RAP1GDS1: variants seen among roughly 807,000 people sequenced by gnomAD.
RAP1GDS1 encodes the protein RAP1, GTP-GDP dissociation stimulator 1.
RAP1GDS1 carries 35 observed loss-of-function variants against 71.1 expected under a neutral mutation model. The ratio of observed to expected loss-of-function variants is 0.49; its 90% CI spans 0.38 to 0.65. The LOEUF (loss-of-function observed/expected upper bound fraction) is 0.65, where lower values mean the gene tolerates loss of function less well. Among genes scored for constraint, RAP1GDS1 ranks in the 30% least tolerant of loss-of-function variants. The pLI is 0.00. For missense variants in RAP1GDS1, 663 were observed against 706.1 expected (o/e 0.94, Z 0.69); for synonymous variants, 229 against 243.1 (o/e 0.94, Z 0.54).
At chr4:98,304,492 T>G (rs1260733758) in intron 2 of RAP1GDS1, among the ~76,000 whole-genome samples, 1 of 152,228 alleles carries the variant, frequency 6.6e-6, no homozygotes, top group African/African-American at 2.4e-5. Flanking sequence ...CATAAGTGTC[T>G]TCTTTTGAGA....
chr4:98,373,957 G>A (rs1036105897), intron 4 of RAP1GDS1, among the ~76,000 whole-genome samples: 4 of 152,172 alleles, frequency 2.6e-5, no homozygotes, highest in Non-Finnish European at 4.4e-5. Context: ...CAAAGAGGGA[G>A]TTCATGATTT....
At chr4:98,398,966 G>A (rs1483053774) in intron 6 of RAP1GDS1, among the ~76,000 whole-genome samples, 1 of 152,154 alleles carries the variant, frequency 6.6e-6, no homozygotes, top group Non-Finnish European at 1.5e-5. Flanking sequence ...TGGATTGGAA[G>A]AGTTAATATT....
chr4:98,393,885 C>CT (rs1379567107), intron 6 of RAP1GDS1, among the ~76,000 whole-genome samples: 2 of 151,966 alleles, frequency 1.3e-5, no homozygotes, highest in Admixed American at 6.6e-5. Flanking sequence ...TACTTTTTAA[C>CT]TTTTTTAGCA....
In RAP1GDS1 at chr4:98,442,308, T is replaced by C; in HGVS notation, c.*191T>C. Reference sequence around the variant, plus strand: ...TATAGTTAGTGTGATCATGACTTTGTCAAAGGCAAGTCTCCACCCATAACC... The same window carrying C: ...TATAGTTAGTGTGATCATGACTTTGCCAAAGGCAAGTCTCCACCCATAACC... On this transcript the variant is annotated 3_prime_UTR_variant, in exon 15 of 15. Transcript: ENST00000408927. 1.4e-6 allele frequency: 1 copy of C among 736,764 alleles called. No homozygotes were observed. The highest frequency in any genetic ancestry group is 2.8e-5 in the South Asian group (1 of 36,136). The allele number at this position is 736,764 out of a possible 1,614,324, so 45.6% of individuals were successfully genotyped here. A position where few individuals can be genotyped will look rare whatever the true frequency, so the allele number is the denominator to read the frequency against.
chr4:98,387,903 A>T (rs944284844), intron 5 of RAP1GDS1, among the ~76,000 whole-genome samples: 5 of 152,160 alleles, frequency 3.3e-5, no homozygotes, highest in African/African-American at 4.8e-5. Flanking sequence ...TAATCTGCCT[A>T]ATGTATCTAG....
chr4:98,433,518 G>A lies in RAP1GDS1; in HGVS notation c.1441-418G>A, dbSNP rs968091838. Among the ~76,000 whole-genome samples, 3 of 152,002 alleles carry A rather than the reference G, an allele frequency of 2.0e-5. 1 individual carries two copies. The highest frequency in any genetic ancestry group is 4.1e-4 in the South Asian group (2 of 4,822). On this transcript the variant is annotated intron_variant, in intron 12 of 14. Transcript: ENST00000408927. ...CTATGTTGCCAGGCTGGTCTCAAGC[G>A]ATCCTCCTGTTTTGGCCTGTCAGAG...
Position 98,321,732 on chromosome 4 carries a change from C to A in RAP1GDS1, c.113-21407C>A, listed in dbSNP as rs1191815030. Among the ~76,000 whole-genome samples, 349 of 114,972 alleles carry A rather than the reference C, an allele frequency of 3.0e-3. 2 individuals are homozygous for A. Among genetic ancestry groups the A allele is most frequent in the African/African-American group, 0.011 (331 of 29,022 alleles). 75.4% of individuals were successfully genotyped at this position (114,972 alleles called of 152,430 possible). A position where few individuals can be genotyped will look rare whatever the true frequency, so the allele number is the denominator to read the frequency against. On this transcript the variant is annotated intron_variant, in intron 2 of 14. Transcript: ENST00000408927. The stretch of plus-strand genomic sequence containing the variant: ...ACAAGCAAATGCTGAGAGATTTTGT[C>A]ACCACCAGGCCTGCCCTAAAAGAGC...
At chr4:98,261,739 G>C in intron 1 of RAP1GDS1, 170 bp downstream of exon 1, 9 of 943,266 alleles carry the variant, frequency 9.5e-6, no homozygotes, top group South Asian at 1.9e-5. Context: ...CACGCCGGGT[G>C]CCGGGGCTGG....
intron 4 of RAP1GDS1, among the ~76,000 whole-genome samples, chr4:98,356,592 AC>A (rs1296190518): frequency 2.6e-5 from 4 of 152,088 alleles, no homozygotes; most frequent in African/African-American, 9.6e-5. Flanking sequence ...GCCTTTTTAT[AC>A]ACCGAGGAAG....
chr4:98,312,757 G>A (rs368330315), intron 2 of RAP1GDS1, among the ~76,000 whole-genome samples: 157 of 151,672 alleles, frequency 1.0e-3, no homozygotes, highest in African/African-American at 3.7e-3. Context: ...AGAGAAATAG[G>A]TATGGGCGGG....
rs768651505 is a variant in RAP1GDS1, at chr4:98,261,535, C to G, written c.-31C>G. ...GCCCGCACCACAGACCTTCGCCTCG[C>G]CCCGCCGGTTCCTCACCCTCGGGGA... On this transcript the variant is annotated 5_prime_UTR_variant, in exon 1 of 15. Coordinates refer to ENST00000408927, the MANE Select transcript of RAP1GDS1 (RefSeq NM_001100427.2). The G allele has an allele frequency of 4.1e-5, 65 of 1,596,854 alleles. No homozygotes were observed. In the African/African-American group the frequency reaches 4.7e-4, roughly 12 times the overall value.
intron 4 of RAP1GDS1, among the ~76,000 whole-genome samples, chr4:98,358,038 A>G (rs925763581): frequency 6.6e-6 from 1 of 152,032 alleles, no homozygotes; most frequent in Non-Finnish European, 1.5e-5. Flanking sequence ...AATGTGCTTA[A>G]CTGTGTATAA....
At position 98,300,432 on chromosome 4, in the gene RAP1GDS1, C is replaced by T. The variant is rs983328735; in HGVS notation, c.112+6917C>T. 2.0e-5 allele frequency among the ~76,000 whole-genome samples: 3 copies of T among 150,296 alleles called. No homozygotes were observed. The East Asian group carries it at 5.8e-4, about 29-fold the overall frequency. ...TTTTTTTTTTTGAGGCGGAGTCTTG[C>T]ACTGTCACGCAGGCTGGAGTGCAGT... On this transcript the variant is annotated intron_variant, in intron 2 of 14. Coordinates refer to ENST00000408927, the MANE Select transcript of RAP1GDS1 (RefSeq NM_001100427.2).
intron 5 of RAP1GDS1, among the ~76,000 whole-genome samples, chr4:98,380,357 A>C (rs1741822361): frequency 6.6e-6 from 1 of 151,868 alleles, no homozygotes; most frequent in Non-Finnish European, 1.5e-5. Flanking sequence ...GTTGGATTAC[A>C]TATTTTTAAT....
intron 5 of RAP1GDS1, among the ~76,000 whole-genome samples, chr4:98,381,434 A>G (rs563744736): frequency 2.6e-5 from 4 of 151,708 alleles, no homozygotes; most frequent in African/African-American, 9.6e-5. Flanking sequence ...TGGCATAATT[A>G]TTAAAGCGTC....
At chr4:98,395,039 T>C (rs1744310429) in intron 6 of RAP1GDS1, among the ~76,000 whole-genome samples, 1 of 152,162 alleles carries the variant, frequency 6.6e-6, no homozygotes. Flanking sequence ...TCTCTGGCTT[T>C]TGAAAAATAC....
intron 1 of RAP1GDS1, 145 bp downstream of exon 1, chr4:98,261,714 G>A: frequency 3.6e-6 from 4 of 1,123,864 alleles, no homozygotes; most frequent in Non-Finnish European, 5.0e-6. Flanking sequence ...GGGGAGAGTC[G>A]GCGCACGCGG....
intron 1 of RAP1GDS1, among the ~76,000 whole-genome samples, chr4:98,270,534 A>G (rs778248749): frequency 4.6e-5 from 7 of 152,202 alleles, no homozygotes; most frequent in Non-Finnish European, 1.0e-4. Flanking sequence ...TTCAAATTGC[A>G]GGTGAAATAA....
chr4:98,372,896 C>T (rs1390983861), intron 4 of RAP1GDS1, among the ~76,000 whole-genome samples: 1 of 151,928 alleles, frequency 6.6e-6, no homozygotes, highest in Non-Finnish European at 1.5e-5. Flanking sequence ...CACTGTGTTG[C>T]CCAGGCTGAT....
Sources: gnomAD v4.1 joint callset for allele counts (sites outside exome capture counted in the v4.1 genomes callset) on GRCh38, gnomAD v4.1.1 for gene constraint, MANE v1.5 for transcripts, NCBI Gene and HGNC (gene_info 2026-07-23, HGNC 2026-07-21) for gene names.